SLC35F1: variants seen among roughly 807,000 people sequenced by gnomAD.
SLC35F1 encodes the protein chromosome 6 open reading frame 169.
SLC35F1 carries 14 observed loss-of-function variants against 48.7 expected under a neutral mutation model. The ratio of observed to expected loss-of-function variants is 0.29; its 90% CI spans 0.19 to 0.45. The LOEUF (loss-of-function observed/expected upper bound fraction) is 0.45. Among genes scored for constraint, SLC35F1 ranks in the 20% least tolerant of loss-of-function variants. The probability of loss-of-function intolerance (pLI) is 1.00; values close to 1 mark genes in which losing one functional copy is unlikely to be tolerated. For missense variants in SLC35F1, 404 were observed against 500.0 expected (o/e 0.81, Z 1.83); for synonymous variants, 190 against 202.2 (o/e 0.94, Z 0.51).
In SLC35F1 at chr6:118,054,045, C is replaced by T. The variant is rs549639876; in HGVS notation, c.174-100400C>T. On this transcript the variant is annotated intron_variant, in intron 1 of 7. Transcript: ENST00000360388. The stretch of plus-strand genomic sequence containing the variant: ...TTTATTGTTGTTTTAAAGTGCATTT[C>T]TTTGATAATTGGTAAGGCTGAAGAT... Among the ~76,000 whole-genome samples the T allele has an allele frequency of 5.3e-5, 8 of 152,198 alleles. No individual in the cohort carries two copies. In the East Asian group the frequency reaches 9.7e-4, roughly 18 times the overall value.
rs372623168 is a variant in SLC35F1 at position 118,225,105 on chromosome 6, G to A, written c.350-10404G>A. ...TGTTAAAATGACAGTATCACCCAAA[G>A]CAAATTATAGGCTCAATGTAATTGC... On this transcript the variant is annotated intron_variant, in intron 2 of 7. Transcript: ENST00000360388. Among the ~76,000 whole-genome samples the A allele has an allele frequency of 4.4e-4, 67 of 152,232 alleles. No homozygotes were observed. In the South Asian group the frequency reaches 0.012, roughly 28 times the overall value.
chr6:118,149,404 C>T lies in SLC35F1; in HGVS notation c.174-5041C>T, dbSNP rs566397178. ...CAACACATCGCCAAATGGATTTGTC[C>T]TGTGCTAATAGAGAACGAAAGAGAA... On this transcript the variant is annotated intron_variant, in intron 1 of 7. Coordinates refer to ENST00000360388, the MANE Select transcript of SLC35F1 (RefSeq NM_001029858.4). Among the ~76,000 whole-genome samples, 3 of 152,292 alleles carry T rather than the reference C, an allele frequency of 2.0e-5. No individual in the cohort carries two copies. In the South Asian group the frequency reaches 6.2e-4, roughly 32 times the overall value.
intron 1 of SLC35F1, among the ~76,000 whole-genome samples, chr6:117,970,173 G>C (rs1455129095): frequency 6.6e-6 from 1 of 152,214 alleles, no homozygotes; most frequent in Non-Finnish European, 1.5e-5. Flanking sequence ...CATCATGCCA[G>C]TGACTCTGCC....
intron 1 of SLC35F1, among the ~76,000 whole-genome samples, chr6:118,083,482 T>C (rs966734907): frequency 1.1e-4 from 17 of 152,240 alleles, no homozygotes; most frequent in African/African-American, 3.9e-4. Context: ...AATGAGGAAA[T>C]GTTAAGGTAC....
At chr6:118,250,276 C>T (rs2114602397) in intron 3 of SLC35F1, among the ~76,000 whole-genome samples, 1 of 152,248 alleles carries the variant, frequency 6.6e-6, no homozygotes, top group African/African-American at 2.4e-5. Context: ...ACTTAATTGG[C>T]TGTCTTGTCT....
At chr6:118,079,231 T>G (rs1037884555) in intron 1 of SLC35F1, among the ~76,000 whole-genome samples, 4 of 152,196 alleles carry the variant, frequency 2.6e-5, no homozygotes, top group African/African-American at 9.6e-5. Context: ...TGGTAGTCTC[T>G]ACTCTACTTC....
chr6:118,060,485 C>T (rs1582643743), intron 1 of SLC35F1, among the ~76,000 whole-genome samples: 1 of 152,088 alleles, frequency 6.6e-6, no homozygotes, highest in South Asian at 2.1e-4. Context: ...TATCACTACA[C>T]AAAGGATACC....
At chr6:118,296,754 T>TGGGGC (rs1282349224) in intron 7 of SLC35F1, among the ~76,000 whole-genome samples, 1 of 152,272 alleles carries the variant, frequency 6.6e-6, no homozygotes, top group African/African-American at 2.4e-5. Flanking sequence ...GTGATTGGAT[T>TGGGGC]GGGGCATAAC....
intron 1 of SLC35F1, among the ~76,000 whole-genome samples, chr6:118,055,777 A>G (rs2114262632): frequency 6.6e-6 from 1 of 152,332 alleles, no homozygotes; most frequent in Admixed American, 6.5e-5. Flanking sequence ...AGAAGTAGAC[A>G]GGAGAGAGAG....
At chr6:118,206,629 A>G (rs908141915) in intron 2 of SLC35F1, among the ~76,000 whole-genome samples, 3 of 152,214 alleles carry the variant, frequency 2.0e-5, no homozygotes, top group Non-Finnish European at 4.4e-5. Context: ...TTACATATAT[A>G]TTTCTAAAAC....
intron 1 of SLC35F1, among the ~76,000 whole-genome samples, chr6:118,031,913 A>G (rs968064429): frequency 2.6e-5 from 4 of 152,114 alleles, no homozygotes; most frequent in Non-Finnish European, 4.4e-5. Context: ...GGCCATGTCT[A>G]ATGGGAAGCT....
At chr6:118,132,771 T>C (rs143565498) in intron 1 of SLC35F1, among the ~76,000 whole-genome samples, 29 of 152,378 alleles carry the variant, frequency 1.9e-4, no homozygotes, top group African/African-American at 5.8e-4. Context: ...CTGTTCTTAA[T>C]TGTATCCTCC....
chr6:117,981,819 T>A (rs183201767), intron 1 of SLC35F1, among the ~76,000 whole-genome samples: 349 of 152,364 alleles, frequency 2.3e-3, no homozygotes, highest in Non-Finnish European at 4.1e-3. Context: ...ACTATTCTTT[T>A]ATAATCCCAA....
intron 1 of SLC35F1, among the ~76,000 whole-genome samples, chr6:118,037,762 C>G (rs947122680): frequency 6.6e-6 from 1 of 150,970 alleles, no homozygotes; most frequent in African/African-American, 2.4e-5. Context: ...AGCAAACTAA[C>G]ACAGGAAAAG....
intron 1 of SLC35F1, among the ~76,000 whole-genome samples, chr6:118,114,267 A>G (rs1416402713): frequency 6.6e-6 from 1 of 152,122 alleles, no homozygotes; most frequent in African/African-American, 2.4e-5. Context: ...AGACTAAATT[A>G]TCATCGCAAT....
rs1220220707 is a variant in SLC35F1, at chr6:118,044,346, T to A, written c.174-110099T>A. Among the ~76,000 whole-genome samples the A allele has an allele frequency of 2.6e-5, 4 of 152,222 alleles. No homozygotes were observed. In the East Asian group the frequency reaches 7.7e-4, roughly 29 times the overall value. On this transcript the variant is annotated intron_variant, in intron 1 of 7. Transcript: ENST00000360388. ...TCTGCCATCGCCCTTTCCTCCCACC[T>A]GGGCTTCCTGTCTTTCTTCCTGTGG...
intron 2 of SLC35F1, among the ~76,000 whole-genome samples, chr6:118,231,151 C>G (rs1356353434): frequency 1.3e-5 from 2 of 152,136 alleles, no homozygotes; most frequent in African/African-American, 4.8e-5. Context: ...AAACTGTTAA[C>G]ATTTATTAAA....
At chr6:118,032,107 CAAT>C (rs1361074118) in intron 1 of SLC35F1, among the ~76,000 whole-genome samples, 1 of 152,170 alleles carries the variant, frequency 6.6e-6, no homozygotes, top group Non-Finnish European at 1.5e-5. Flanking sequence ...AGTATATTAA[CAAT>C]GATGCTTAAA....
intron 1 of SLC35F1, among the ~76,000 whole-genome samples, chr6:118,126,591 T>C (rs1773628153): frequency 6.6e-6 from 1 of 151,566 alleles, no homozygotes; most frequent in African/African-American, 2.4e-5. Context: ...ATTTTCACGA[T>C]ATTGATTCTT....
Sources: gnomAD v4.1 joint callset for allele counts (sites outside exome capture counted in the v4.1 genomes callset) on GRCh38, gnomAD v4.1.1 for gene constraint, MANE v1.5 for transcripts, NCBI Gene and HGNC (gene_info 2026-07-23, HGNC 2026-07-21) for gene names.